The following STK40 variants were observed in gnomAD, a reference collection of about 807,000 sequenced individuals.
The protein encoded by STK40 is serine/threonine kinase 40, also known as serine/threonine-protein kinase 40.
Under a neutral mutation model 47.9 loss-of-function variants are expected in STK40, and 13 were observed. The ratio of observed to expected loss-of-function variants is 0.27; its 90% CI spans 0.18 to 0.43. The LOEUF (loss-of-function observed/expected upper bound fraction) is 0.43. STK40 is among the 20% of genes least tolerant of loss of function. STK40 has a pLI of 1.00. For synonymous variants in STK40, 225 were observed against 243.2 expected (o/e 0.93, Z 0.69); for missense variants, 460 against 595.1 (o/e 0.77, Z 2.36).
chr1:36,385,087 C>T (rs568031523), intron 1 of STK40, among the ~76,000 whole-genome samples: 8 of 152,360 alleles, frequency 5.3e-5, no homozygotes, highest in African/African-American at 1.9e-4. Flanking sequence ...AATGTCCCTA[C>T]CTAACTGGCT....
intron 2 of STK40, among the ~76,000 whole-genome samples, chr1:36,359,741 C>T (rs570653821): frequency 6.6e-6 from 1 of 152,350 alleles, no homozygotes; most frequent in East Asian, 1.9e-4. Context: ...ACCACCCAAA[C>T]TCCTTTGTCT....
intron 7 of STK40, among the ~76,000 whole-genome samples, chr1:36,346,996 C>G (rs1223953524): frequency 2.6e-5 from 4 of 152,198 alleles, no homozygotes; most frequent in Non-Finnish European, 5.9e-5. Context: ...TTAGGGTATA[C>G]CCCTGGCACC....
intron 1 of STK40, among the ~76,000 whole-genome samples, chr1:36,378,763 C>CT (rs1053280980): frequency 6.6e-6 from 1 of 152,096 alleles, no homozygotes. Context: ...GCCGGGCCTC[C>CT]TTTTTTTGCT....
At chr1:36,349,551 G>A (rs1471202076) in intron 6 of STK40, among the ~76,000 whole-genome samples, 2 of 152,186 alleles carry the variant, frequency 1.3e-5, no homozygotes, top group Non-Finnish European at 2.9e-5. Context: ...CCCTGGGCAG[G>A]GCCCCAGGCC....
chr1:36,372,438 AAAAAAAAAAAG>A (rs1225833813), intron 1 of STK40, among the ~76,000 whole-genome samples: 7 of 151,570 alleles, frequency 4.6e-5, no homozygotes, highest in South Asian at 4.2e-4. Flanking sequence ...AAAAAAAAAA[AAAAAAAAAAAG>A]AAAGAAAGAA....
chr1:36,341,408 C>T lies in STK40; in HGVS notation c.*347G>A, dbSNP rs189566086. 531 of 238,868 alleles carry T rather than the reference C, an allele frequency of 2.2e-3. 8 individuals carry two copies. In the Admixed American group the frequency reaches 0.025, roughly 11 times the overall value. 14.8% of individuals were successfully genotyped at this position (238,868 alleles called of 1,614,324 possible). On this transcript the variant is annotated 3_prime_UTR_variant, in exon 11 of 11. Transcript: ENST00000373132. ...GCAGCGCCCCAGGTCAGTTGGTGGC[C>T]GCTGGGGAAGGCCCTGGAGTGGGGT... is the stretch of plus-strand genomic sequence containing the variant.
At chr1:36,344,363 T>G in intron 7 of STK40, 99 bp from the exon 8 acceptor site, 9 of 1,449,690 alleles carry the variant, frequency 6.2e-6, no homozygotes, top group Non-Finnish European at 6.4e-6. Context: ...CCACCCTCAC[T>G]TCCAGTCCCC....
chr1:36,375,014 AG>A (rs763094601), intron 1 of STK40, among the ~76,000 whole-genome samples: 75 of 152,324 alleles, frequency 4.9e-4, no homozygotes, highest in African/African-American at 1.7e-3. Context: ...TCAGGCAAGG[AG>A]AAAGCAGCAA....
intron 2 of STK40, 76 bp downstream of exon 2, chr1:36,361,145 G>A: frequency 6.4e-7 from 1 of 1,561,528 alleles, no homozygotes; most frequent in Non-Finnish European, 8.7e-7. Flanking sequence ...GATGTCTGTA[G>A]GTCAGATCAT....
chr1:36,359,353 CTG>C (rs1646832541), intron 2 of STK40, among the ~76,000 whole-genome samples: 1 of 152,222 alleles, frequency 6.6e-6, no homozygotes. Flanking sequence ...CTGCAGTGAA[CTG>C]TGTTTGTGCC....
intron 1 of STK40, among the ~76,000 whole-genome samples, chr1:36,378,842 AC>A (rs1195162846): frequency 6.6e-6 from 1 of 152,226 alleles, no homozygotes; most frequent in Non-Finnish European, 1.5e-5. Context: ...TATGAAACTT[AC>A]CCCAAACTCA....
intron 1 of STK40, among the ~76,000 whole-genome samples, chr1:36,384,261 C>T (rs1314249316): frequency 6.6e-6 from 1 of 152,116 alleles, no homozygotes; most frequent in Non-Finnish European, 1.5e-5. Context: ...AACTCCTGAC[C>T]TCAGGTGATC....
intron 1 of STK40, among the ~76,000 whole-genome samples, chr1:36,379,193 C>T (rs1390935944): frequency 3.9e-5 from 6 of 152,190 alleles, no homozygotes; most frequent in African/African-American, 1.4e-4. Flanking sequence ...AAGTAGGTGG[C>T]AGTGTGTAAA....
intron 1 of STK40, among the ~76,000 whole-genome samples, chr1:36,367,084 G>A (rs1366627120): frequency 6.6e-6 from 1 of 151,178 alleles, no homozygotes; most frequent in African/African-American, 2.4e-5. Flanking sequence ...CTGACCTTAG[G>A]TAATCCGCCT....
chr1:36,364,047 A>T (rs1646879315), intron 1 of STK40, among the ~76,000 whole-genome samples: 1 of 151,546 alleles, frequency 6.6e-6, no homozygotes, highest in Admixed American at 6.6e-5. Context: ...GCTACTCGGG[A>T]GGCTGAGGCA....
At chr1:36,376,507 C>A (rs1646993335) in intron 1 of STK40, among the ~76,000 whole-genome samples, 1 of 152,216 alleles carries the variant, frequency 6.6e-6, no homozygotes, top group South Asian at 2.1e-4. Flanking sequence ...ACAAAAGTCC[C>A]TATAGAGCCA....
Position 36,361,307 on chromosome 1 carries a change from C to T in STK40, c.26G>A (p.Gly9Glu), listed in dbSNP as rs199672018. ...GGCCCTGGCCGACGTTTCCCCAGCT[C>T]CTCTGTCTGATGCTCTCCGCTTCAT... MKRRASDR[G>E]AGETSARAKA... is the part of the protein sequence containing the mutation. The change falls in exon 2 of 11, where the codon GGA becomes GAA. Residue 9 changes from glycine (G) to glutamate (E), a missense_variant. By Grantham distance (98) the Gly-to-Glu change is moderately conservative. Coordinates refer to ENST00000373132, the MANE Select transcript of STK40 (RefSeq NM_001282547.2). 178 of 1,614,150 alleles carry T rather than the reference C, an allele frequency of 1.1e-4. 1 individual carries two copies. In the Middle Eastern group the frequency reaches 2.1e-3, roughly 19 times the overall value.
rs777165569 is a variant in STK40, at chr1:36,343,862, T to C, written c.1002A>G (p.Ser334=). ...VLEALSAIIA[S]WQSLSSLSGP... is the part of the protein sequence containing the mutation. ...CGGTCAAGTGCCTGTCCACTTACCA[T>C]GATGCAATGATGGCACTGAGGGCCT... The change falls in exon 9 of 11, where the codon TCA becomes TCG. Residue 334 remains serine, a splice_region_variant and synonymous_variant. Transcript: ENST00000373132. 12 of 1,589,540 alleles carry C rather than the reference T, an allele frequency of 7.5e-6. No homozygotes were observed. The highest frequency in any genetic ancestry group is 3.4e-5 in the South Asian group (3 of 89,400).
rs980529788 is a variant in STK40 at position 36,385,738 on chromosome 1, A to G, written c.-24T>C. The G allele has an allele frequency of 6.5e-6, 1 of 153,254 alleles. No individual in the cohort carries two copies. Among genetic ancestry groups the G allele is most frequent in the Non-Finnish European group, 1.5e-5 (1 of 68,538 alleles). 9.5% of individuals were successfully genotyped at this position (153,254 alleles called of 1,614,324 possible). On this transcript the variant is annotated 5_prime_UTR_variant, in exon 1 of 11. Coordinates refer to ENST00000373132, the MANE Select transcript of STK40 (RefSeq NM_001282547.2). ...CTGCCCTCACCTTCGCCGGGTGGTC[A>G]GAGCTATTCGCCCATAGTCCGTAGC... is the stretch of plus-strand genomic sequence containing the variant.
Sources: allele counts gnomAD v4.1 joint callset (sites outside exome capture counted in the v4.1 genomes callset), GRCh38; gene constraint gnomAD v4.1.1; transcripts MANE v1.5; gene names NCBI Gene and HGNC (gene_info 2026-07-23, HGNC 2026-07-21).